Variants in KIF13B observed in about 807,000 individuals in gnomAD.
The protein encoded by KIF13B is kinesin family member 13B, also known as kinesin-like protein KIF13B.
A neutral mutation model predicts 222.0 loss-of-function variants in KIF13B; 127 were observed. That is an observed-to-expected ratio of 0.57 (90% CI 0.50 to 0.66). The LOEUF (loss-of-function observed/expected upper bound fraction) is 0.66. Among genes scored for constraint, KIF13B ranks in the 30% least tolerant of loss-of-function variants. The pLI is 0.00. For missense variants in KIF13B, 2,173 were observed against 2,379.0 expected (o/e 0.91, Z 1.80); for synonymous variants, 976 against 919.0 (o/e 1.06, Z -1.12).
chr8:29,122,351 C>T (rs1010743289), intron 29 of KIF13B, among the ~76,000 whole-genome samples: 7 of 152,186 alleles, frequency 4.6e-5, no homozygotes, highest in Non-Finnish European at 1.0e-4. Context: ...ATCCACATGG[C>T]ACCGTGAGCT....
intron 21 of KIF13B, among the ~76,000 whole-genome samples, 192 bp from the exon 22 acceptor site, chr8:29,134,402 G>A (rs1396178880): frequency 2.0e-5 from 3 of 152,198 alleles, no homozygotes; most frequent in Non-Finnish European, 4.4e-5. Flanking sequence ...TTTAGTGAGA[G>A]GCTGGACACA....
At chr8:29,179,868 G>A (rs1180887241) in intron 8 of KIF13B, among the ~76,000 whole-genome samples, 3 of 152,234 alleles carry the variant, frequency 2.0e-5, no homozygotes, top group Admixed American at 6.5e-5. Context: ...GTTATTCCTC[G>A]AGAGGCAGTC....
intron 2 of KIF13B, among the ~76,000 whole-genome samples, chr8:29,210,882 A>T (rs563997720): frequency 1.3e-5 from 2 of 152,350 alleles, no homozygotes. Context: ...GACATGCTAA[A>T]CACTGCTGCA....
In KIF13B at chr8:29,140,512, C is replaced by A; in HGVS notation, c.2440G>T (p.Val814Leu). 6.2e-7 allele frequency: 1 copy of A among 1,613,956 alleles called. No homozygotes were observed. The highest frequency in any genetic ancestry group is 8.5e-7 in the Non-Finnish European group (1 of 1,179,864). The change falls in exon 20 of 40, where the codon GTG becomes TTG. Residue 814 changes from valine to leucine, a missense_variant. Val to Leu is a conservative substitution (Grantham distance 32). Coordinates refer to ENST00000524189, the MANE Select transcript of KIF13B (RefSeq NM_015254.4). ...ATGGGAACAGCGTATTGTAACTTCA[C>A]ATCATAGAAAAGTGACTCGAGGAAG... ...NVFLESLFYDVKLQYAVPIIN... is the reference protein window; with the variant it reads ...NVFLESLFYDLKLQYAVPIIN...
At chr8:29,198,839 G>A (rs1474120053) in intron 2 of KIF13B, among the ~76,000 whole-genome samples, 1 of 152,138 alleles carries the variant, frequency 6.6e-6, no homozygotes. Flanking sequence ...AATATTGCAT[G>A]TTCTTACCAA....
rs1189249397 is a variant in KIF13B, at chr8:29,245,438, C to G, written c.57G>C (p.Glu19Asp). The change falls in exon 2 of 40, where the codon GAG (glutamate) becomes GAC (aspartate). Residue 19 changes from glutamate (E) to aspartate (D), a missense_variant and splice_region_variant. Physicochemically the swap from Glu to Asp is conservative, Grantham distance 45. Around this residue, in one of 2 missense-constraint regions of KIF13B, gnomAD observed 1,480 missense variants for 1,722.8 expected, o/e 0.86. Coordinates refer to ENST00000524189, the MANE Select transcript of KIF13B (RefSeq NM_015254.4). ...CCACACATTTGGTATGCAAGTCAGTCTCTGTGGATAAAAAAACAAGAAAAA... is the reference window on the plus strand; with the variant it reads ...CCACACATTTGGTATGCAAGTCAGTGTCTGTGGATAAAAAAACAAGAAAAA... The part of the protein sequence containing the change: ...AVRIRPMNRR[E>D]TDLHTKCVVD... The G allele has an allele frequency of 1.9e-6, 3 of 1,575,034 alleles. No homozygotes were observed. The East Asian group carries it at 6.8e-5, about 36-fold the overall frequency.
At chr8:29,089,383 G>A (rs1378557256) in intron 37 of KIF13B, among the ~76,000 whole-genome samples, 4 of 152,126 alleles carry the variant, frequency 2.6e-5, no homozygotes, top group East Asian at 1.9e-4. Flanking sequence ...ACGCTGCAGT[G>A]AGCTATCATC....
chr8:29,145,491 C>A (rs945864086), intron 18 of KIF13B, among the ~76,000 whole-genome samples: 1 of 152,124 alleles, frequency 6.6e-6, no homozygotes, highest in Middle Eastern at 3.4e-3. Context: ...ATTAGTCCAG[C>A]GTGGTGGCAC....
chr8:29,186,969 C>CAA (rs766708048), intron 5 of KIF13B, among the ~76,000 whole-genome samples: 47 of 68,668 alleles, frequency 6.8e-4, no homozygotes, highest in African/African-American at 1.7e-3. Context: ...ACTCCATCTC[C>CAA]AAAAAAAAAA....
intron 3 of KIF13B, among the ~76,000 whole-genome samples, chr8:29,192,252 G>A (rs1813223405): frequency 6.6e-6 from 1 of 152,150 alleles, no homozygotes; most frequent in Non-Finnish European, 1.5e-5. Flanking sequence ...TTCACATGGT[G>A]AGCCTGGCTC....
At chr8:29,185,884 T>C (rs1302376645) in intron 6 of KIF13B, among the ~76,000 whole-genome samples, 1 of 152,230 alleles carries the variant, frequency 6.6e-6, no homozygotes, top group East Asian at 1.9e-4. Context: ...GTTACAGCTG[T>C]AGAGTCAAAC....
chr8:29,196,183 T>C lies in KIF13B; in HGVS notation c.162+4A>G. On this transcript the variant is annotated splice_donor_region_variant and intron_variant, in intron 3 of 39. Transcript: ENST00000524189. ...AGCATCACATAACAAACCAAATCTC[T>C]TACCTTCGGCTGGCCCCTGAGCTCC... 1 of 1,567,516 alleles carries C rather than the reference T, an allele frequency of 6.4e-7. No homozygotes were observed. Among genetic ancestry groups the C allele is most frequent in the Non-Finnish European group, 8.7e-7 (1 of 1,154,804 alleles).
At chr8:29,105,707 G>T (rs1809034375) in intron 35 of KIF13B, among the ~76,000 whole-genome samples, 1 of 125,666 alleles carries the variant, frequency 8.0e-6, no homozygotes, top group Admixed American at 9.6e-5. Context: ...CGCCCAGGCT[G>T]GAGTGCAGTG....
At position 29,075,185 on chromosome 8, in the gene KIF13B, A is replaced by G. The variant is rs1024387897; in HGVS notation, c.4521+96T>C. On this transcript the variant is annotated intron_variant, in intron 38 of 39. Coordinates refer to ENST00000524189, the MANE Select transcript of KIF13B (RefSeq NM_015254.4). ...AACTAATTACCAAAACAGGAATGCT[A>G]ACATCAAAAACTGTGGGTGTGGACT... 7.1e-5 allele frequency: 65 copies of G among 912,766 alleles called. No homozygotes were observed. In the Admixed American group the frequency reaches 1.3e-3, roughly 18 times the overall value. 56.5% of individuals were successfully genotyped at this position (912,766 alleles called of 1,614,324 possible). A position where few individuals can be genotyped will look rare whatever the true frequency, so the allele number is the denominator to read the frequency against.
chr8:29,149,610 G>C (rs1341265913), intron 15 of KIF13B, among the ~76,000 whole-genome samples: 1 of 152,166 alleles, frequency 6.6e-6, no homozygotes, highest in African/African-American at 2.4e-5. Flanking sequence ...TGGGGACTCT[G>C]GGAAGACTTC....
intron 2 of KIF13B, among the ~76,000 whole-genome samples, chr8:29,222,661 C>T (rs922430474): frequency 1.3e-5 from 2 of 150,426 alleles, no homozygotes; most frequent in African/African-American, 4.9e-5. Flanking sequence ...TAATGGAAAA[C>T]TATATGGCTT....
intron 2 of KIF13B, among the ~76,000 whole-genome samples, chr8:29,209,785 C>A (rs187596617): frequency 6.0e-4 from 90 of 151,074 alleles, no homozygotes; most frequent in African/African-American, 2.0e-3. Context: ...AATGTGGCGG[C>A]TCATGTCTGT....
chr8:29,244,168 C>T (rs902733417), intron 2 of KIF13B, among the ~76,000 whole-genome samples: 7 of 152,136 alleles, frequency 4.6e-5, no homozygotes, highest in African/African-American at 7.2e-5. Flanking sequence ...CGCCCGCCAT[C>T]ACGCCCGGCT....
chr8:29,075,396 A>G, intron 37 of KIF13B, 53 bp from the exon 38 acceptor site: 10 of 1,498,288 alleles, frequency 6.7e-6, no homozygotes, highest in Non-Finnish European at 9.0e-6. Context: ...CAGGGGTAGC[A>G]GAAAGGTTTC....
Sources: allele counts gnomAD v4.1 joint callset (sites outside exome capture counted in the v4.1 genomes callset), GRCh38; gene constraint gnomAD v4.1.1; regional missense constraint gnomAD v4.1.1; transcripts MANE v1.5; gene names NCBI Gene and HGNC (gene_info 2026-07-23, HGNC 2026-07-21).